Variants in HDAC9 observed in about 807,000 individuals in gnomAD.
HDAC9 encodes MEF-2 interacting transcription repressor (MITR) protein.
HDAC9 carries 41 observed loss-of-function variants against 139.4 expected under a neutral mutation model. That is an observed-to-expected ratio of 0.29 (90% CI 0.23 to 0.38). HDAC9 has a LOEUF of 0.38. Ranked by LOEUF, HDAC9 falls within the 10% of genes least tolerant of loss-of-function variation. HDAC9 has a pLI of 1.00. For missense variants in HDAC9, 1,147 were observed against 1,297.0 expected (o/e 0.88, Z 1.78); for synonymous variants, 517 against 476.2 (o/e 1.09, Z -1.12).
chr7:18,279,713 C>A (rs1305080056), intron 2 of HDAC9, among the ~76,000 whole-genome samples: 2 of 152,108 alleles, frequency 1.3e-5, no homozygotes, highest in African/African-American at 4.8e-5. Flanking sequence ...ATCCACCCCC[C>A]TCGACCCCCC....
chr7:18,926,196 G>GA (rs1804213100), intron 22 of HDAC9, among the ~76,000 whole-genome samples: 1 of 152,018 alleles, frequency 6.6e-6, no homozygotes, highest in Non-Finnish European at 1.5e-5. Flanking sequence ...AAAAAAAATT[G>GA]AAAAATTAGT....
chr7:18,220,503 G>C (rs1792622928), intron 2 of HDAC9, among the ~76,000 whole-genome samples: 1 of 152,092 alleles, frequency 6.6e-6, no homozygotes, highest in Non-Finnish European at 1.5e-5. Context: ...GTCTTGAACT[G>C]GAATTGAAGA....
chr7:18,243,132 T>C (rs1005851180), intron 2 of HDAC9, among the ~76,000 whole-genome samples: 4 of 152,248 alleles, frequency 2.6e-5, no homozygotes, highest in Non-Finnish European at 5.9e-5. Context: ...CACATAGTCA[T>C]TCTTTTTCTG....
At chr7:18,648,085 T>C in intron 10 of HDAC9, 87 bp downstream of exon 10, 2 of 1,052,446 alleles carry the variant, frequency 1.9e-6, no homozygotes, top group South Asian at 1.6e-5. Flanking sequence ...CTCAAGACCC[T>C]GATGGAGATC....
At chr7:18,970,146 A>G (rs1371902722) in intron 24 of HDAC9, among the ~76,000 whole-genome samples, 1 of 152,184 alleles carries the variant, frequency 6.6e-6, no homozygotes, top group Non-Finnish European at 1.5e-5. Flanking sequence ...CAATTCTATC[A>G]AAAAGCCTAA....
chr7:18,849,663 T>C (rs929710862), intron 21 of HDAC9, among the ~76,000 whole-genome samples: 3 of 152,202 alleles, frequency 2.0e-5, no homozygotes, highest in Non-Finnish European at 4.4e-5. Flanking sequence ...TACAAACTTT[T>C]AAGACTTCAT....
At chr7:18,505,986 G>A (rs886841478) in intron 2 of HDAC9, 3 of 152,232 alleles carry the variant, frequency 2.0e-5, no homozygotes, top group South Asian at 2.1e-4. Flanking sequence ...CTTGTTAGGC[G>A]TTATCATGCC....
intron 2 of HDAC9, chr7:18,578,278 G>A (rs1826656394): frequency 1.9e-6 from 1 of 516,988 alleles, no homozygotes. Flanking sequence ...TGACATCGAA[G>A]GTGTTTTGGC....
intron 2 of HDAC9, among the ~76,000 whole-genome samples, chr7:18,189,095 A>G (rs1790136236): frequency 6.6e-6 from 1 of 152,182 alleles, no homozygotes; most frequent in Non-Finnish European, 1.5e-5. Flanking sequence ...AACCAACCCA[A>G]ATGCCCATCA....
rs751788140 is a variant in HDAC9, at chr7:18,911,148, C to CT, written c.2804-24647dup. On this transcript the variant is annotated intron_variant, in intron 22 of 25. Coordinates refer to ENST00000686413, the MANE Select transcript of HDAC9 (RefSeq NM_178425.4). ...GTTATTTGTTATTGGTCTGTTCAGG[C>CT]TTTTTTTTTTTTTTCTGGTTTAATC... Among the ~76,000 whole-genome samples the CT allele has an allele frequency of 3.6e-3, 461 of 129,236 alleles. 2 individuals carry two copies. Among genetic ancestry groups the CT allele is most frequent in the South Asian group, 0.011 (46 of 4,022 alleles). The allele number at this position is 129,236 out of a possible 152,430, so 84.8% of individuals were successfully genotyped here.
At chr7:18,477,680 A>G (rs1795220744) in intron 1 of HDAC9, among the ~76,000 whole-genome samples, 1 of 152,194 alleles carries the variant, frequency 6.6e-6, no homozygotes, top group Admixed American at 6.5e-5. Flanking sequence ...GACAAATTAC[A>G]TAAGAGTTCC....
chr7:18,237,152 G>C (rs1026172374), intron 2 of HDAC9, among the ~76,000 whole-genome samples: 3 of 152,186 alleles, frequency 2.0e-5, no homozygotes, highest in African/African-American at 4.8e-5. Flanking sequence ...CACTGTTGTT[G>C]GTTGGGGAGC....
At chr7:18,805,315 G>A (rs1367571554) in intron 17 of HDAC9, among the ~76,000 whole-genome samples, 3 of 152,284 alleles carry the variant, frequency 2.0e-5, no homozygotes, top group East Asian at 1.9e-4. Context: ...TTACCAGAGT[G>A]GGGTAGGACG....
chr7:18,888,289 G>T (rs1392838295), intron 22 of HDAC9, among the ~76,000 whole-genome samples: 1 of 152,188 alleles, frequency 6.6e-6, no homozygotes, highest in South Asian at 2.1e-4. Context: ...GCCAGGCGTG[G>T]TGGCGGGCGC....
chr7:18,730,920 T>G (rs1435988848), intron 13 of HDAC9, among the ~76,000 whole-genome samples: 1 of 152,200 alleles, frequency 6.6e-6, no homozygotes, highest in African/African-American at 2.4e-5. Context: ...GGAGCCATTA[T>G]GAAGTAAAAA....
chr7:18,248,461 C>G (rs1309852853), intron 2 of HDAC9, among the ~76,000 whole-genome samples: 1 of 152,070 alleles, frequency 6.6e-6, no homozygotes, highest in African/African-American at 2.4e-5. Context: ...GGGGAGAAAG[C>G]CCTTGAATGT....
intron 2 of HDAC9, among the ~76,000 whole-genome samples, chr7:18,230,230 T>C (rs1342292267): frequency 6.6e-6 from 1 of 152,158 alleles, no homozygotes; most frequent in East Asian, 1.9e-4. Flanking sequence ...ATGAAAGATG[T>C]CCAGACCAGC....
At chr7:18,767,071 T>C (rs1255132187) in intron 15 of HDAC9, 35 bp from the exon 16 acceptor site, 2 of 1,029,430 alleles carry the variant, frequency 1.9e-6, no homozygotes, top group African/African-American at 1.7e-5. Context: ...ATAACCTCCA[T>C]TTATCTATAT....
intron 16 of HDAC9, among the ~76,000 whole-genome samples, chr7:18,786,512 C>G (rs1791766196): frequency 9.9e-6 from 1 of 100,748 alleles, no homozygotes; most frequent in Non-Finnish European, 1.9e-5. Flanking sequence ...CTTCCTCTCT[C>G]TCATGTACTT....
Sources: allele counts gnomAD v4.1 joint callset (sites outside exome capture counted in the v4.1 genomes callset), GRCh38; gene constraint gnomAD v4.1.1; transcripts MANE v1.5; gene names NCBI Gene and HGNC (gene_info 2026-07-23, HGNC 2026-07-21).